The following CUBN variants were observed in gnomAD, a reference collection of about 807,000 sequenced individuals.
CUBN encodes the protein cubilin, also known as 460 kDa receptor.
CUBN carries 282 observed loss-of-function variants against 405.3 expected under a neutral mutation model. That is an observed-to-expected ratio of 0.70 (90% CI 0.63 to 0.77). CUBN has a LOEUF of 0.77. Ranked by LOEUF, CUBN falls within the 30% of genes least tolerant of loss-of-function variation. CUBN has a pLI of 0.00. For synonymous variants in CUBN, 1,684 were observed against 1,617.0 expected (o/e 1.04, Z -0.99); for missense variants, 4,514 against 4,475.2 (o/e 1.01, Z -0.25).
rs577830354 is a variant in CUBN, at chr10:16,966,480, G to A, written c.4696-11932C>T. Among the ~76,000 whole-genome samples the A allele has an allele frequency of 2.8e-3, 427 of 150,778 alleles. 3 individuals are homozygous for A. The highest frequency in any genetic ancestry group is 9.8e-3 in the African/African-American group (403 of 40,974). On this transcript the variant is annotated intron_variant, in intron 31 of 66. Coordinates refer to ENST00000377833, the MANE Select transcript of CUBN (RefSeq NM_001081.4). The stretch of plus-strand genomic sequence containing the variant: ...TTTTTTTTTTCTGAGACAGAGTCTC[G>A]CTCTGTCGCCCAGAATGGAGTGCAG...
In CUBN at chr10:16,860,628, C is replaced by T. The variant is rs551893888; in HGVS notation, c.9454+9008G>A. On this transcript the variant is annotated intron_variant, in intron 59 of 66. Transcript: ENST00000377833. ...ATTTTTATTATTTTATTCTGCAAAGCACTGTCCTCTCCTAGTAATTTTCTA... is the reference window on the plus strand; with the variant it reads ...ATTTTTATTATTTTATTCTGCAAAGTACTGTCCTCTCCTAGTAATTTTCTA... Among the ~76,000 whole-genome samples the T allele has an allele frequency of 9.8e-5, 15 of 152,292 alleles. No individual in the cohort carries two copies. The South Asian group carries it at 3.1e-3, about 32-fold the overall frequency.
chr10:17,005,207 T>TG (rs1291209276), intron 28 of CUBN, among the ~76,000 whole-genome samples: 1 of 152,220 alleles, frequency 6.6e-6, no homozygotes, highest in Non-Finnish European at 1.5e-5. Flanking sequence ...TCTGATAACG[T>TG]GTCCTGCGTC....
chr10:16,908,874 T>C (rs867771935), intron 48 of CUBN, among the ~76,000 whole-genome samples: 287 of 138,268 alleles, frequency 2.1e-3, no homozygotes, highest in African/African-American at 7.6e-3. Flanking sequence ...TGTCATCTCT[T>C]TTTTTTTTTT....
intron 36 of CUBN, among the ~76,000 whole-genome samples, chr10:16,941,051 T>C (rs989831706): frequency 6.6e-6 from 1 of 152,198 alleles, no homozygotes; most frequent in African/African-American, 2.4e-5. Flanking sequence ...AGGTAACATA[T>C]CTAAAGAGTC....
chr10:16,875,569 T>A (rs12251207), intron 57 of CUBN, among the ~76,000 whole-genome samples: 2,150 of 152,322 alleles, frequency 0.014, 62 homozygotes, highest in African/African-American at 0.049. Context: ...TGCCTGTAAG[T>A]ACTTGTGTGT....
At chr10:16,914,163 C>T (rs1038898112) in intron 47 of CUBN, among the ~76,000 whole-genome samples, 171 bp from the exon 48 acceptor site, 21 of 152,074 alleles carry the variant, frequency 1.4e-4, no homozygotes, top group Non-Finnish European at 2.6e-4. Context: ...CATTTTTTAT[C>T]TCTATTAATA....
intron 59 of CUBN, among the ~76,000 whole-genome samples, chr10:16,864,821 T>C (rs923936936): frequency 3.3e-5 from 5 of 151,112 alleles, no homozygotes; most frequent in African/African-American, 1.2e-4. Flanking sequence ...TGACTAATTT[T>C]GTATTTTTAG....
At chr10:16,851,870 C>A (rs1839704819) in intron 59 of CUBN, among the ~76,000 whole-genome samples, 1 of 138,980 alleles carries the variant, frequency 7.2e-6, no homozygotes, top group Non-Finnish European at 1.6e-5. Context: ...CCCTCTCTCC[C>A]TCTATCTTTC....
chr10:16,999,158 A>G (rs961507193), intron 28 of CUBN, among the ~76,000 whole-genome samples: 4 of 152,144 alleles, frequency 2.6e-5, no homozygotes, highest in African/African-American at 9.7e-5. Context: ...TTACATTCCT[A>G]TTCAAGATGT....
At chr10:17,111,187 C>A in intron 8 of CUBN, 137 bp from the exon 9 acceptor site, 1 of 1,026,646 alleles carries the variant, frequency 9.7e-7, no homozygotes, top group Non-Finnish European at 1.4e-6. Flanking sequence ...ATCAGATTGG[C>A]AAAAGTTGTT....
rs148807933 is a variant in CUBN at position 16,943,106 on chromosome 10, A to G, written c.5343-2869T>C. Among the ~76,000 whole-genome samples the G allele has an allele frequency of 1.1e-3, 164 of 152,270 alleles. 1 individual carries two copies. The highest frequency in any genetic ancestry group is 3.7e-3 in the African/African-American group (155 of 41,556). On this transcript the variant is annotated intron_variant, in intron 36 of 66. Transcript: ENST00000377833. ...CTCAAGCCCTACCACTAATCAATAT[A>G]CCAGGCACATCTCTGGTCACTCCCT...
chr10:16,966,469 GAC>G (rs1843395681), intron 31 of CUBN, among the ~76,000 whole-genome samples: 1 of 149,818 alleles, frequency 6.7e-6, no homozygotes, highest in Non-Finnish European at 1.5e-5. Context: ...TTTTTTCTGA[GAC>G]AGAGTCTCGC....
At chr10:16,858,429 T>C (rs1361062247) in intron 59 of CUBN, among the ~76,000 whole-genome samples, 1 of 152,178 alleles carries the variant, frequency 6.6e-6, no homozygotes, top group Non-Finnish European at 1.5e-5. Context: ...CAAGGGATCC[T>C]CCTACCTCAG....
intron 40 of CUBN, among the ~76,000 whole-genome samples, chr10:16,932,298 T>A (rs1842384857): frequency 6.6e-6 from 1 of 152,216 alleles, no homozygotes; most frequent in South Asian, 2.1e-4. Context: ...TTCTTTTTGC[T>A]GAGAACATGT....
intron 22 of CUBN, among the ~76,000 whole-genome samples, chr10:17,052,839 G>A (rs999474099): frequency 7.4e-5 from 11 of 148,916 alleles, no homozygotes; most frequent in Admixed American, 1.3e-4. Context: ...ATAGTAAGGT[G>A]AATTTATAAC....
intron 41 of CUBN, 51 bp from the exon 42 acceptor site, chr10:16,925,825 AT>A: frequency 1.3e-6 from 2 of 1,538,810 alleles, no homozygotes; most frequent in Non-Finnish European, 9.0e-7. Context: ...TGGCAACTGG[AT>A]TTTTATGCTT....
At chr10:17,095,233 C>T (rs1836346255) in intron 14 of CUBN, among the ~76,000 whole-genome samples, 1 of 151,972 alleles carries the variant, frequency 6.6e-6, no homozygotes, top group Non-Finnish European at 1.5e-5. Context: ...CCTTATCCCA[C>T]ACCACATACA....
At chr10:16,983,226 T>A (rs1833326961) in intron 30 of CUBN, among the ~76,000 whole-genome samples, 1 of 152,224 alleles carries the variant, frequency 6.6e-6, no homozygotes. Context: ...TATTTTCTAA[T>A]AATGGAGAAT....
chr10:16,997,111 GGCAAGGC>G (rs1383053138), intron 28 of CUBN, among the ~76,000 whole-genome samples: 9 of 152,144 alleles, frequency 5.9e-5, no homozygotes, highest in African/African-American at 2.2e-4. Flanking sequence ...GTGCTTCATT[GGCAAGGC>G]CAGTTTGCCT....
Sources: allele counts gnomAD v4.1 joint callset (sites outside exome capture counted in the v4.1 genomes callset), GRCh38; gene constraint gnomAD v4.1.1; transcripts MANE v1.5; gene names NCBI Gene and HGNC (gene_info 2026-07-23, HGNC 2026-07-21).